The following ZYG11B variants were observed in gnomAD, a reference collection of about 807,000 sequenced individuals.
ZYG11B encodes protein zyg-11 homolog B.
ZYG11B carries 36 observed loss-of-function variants against 82.4 expected under a neutral mutation model. The ratio of observed to expected loss-of-function variants is 0.44; its 90% confidence interval spans 0.33 to 0.58. ZYG11B has a LOEUF of 0.58. Ranked by LOEUF, ZYG11B falls within the 20% of genes least tolerant of loss-of-function variation. ZYG11B has a pLI of 0.02. For missense variants in ZYG11B, 552 were observed against 895.6 expected (o/e 0.62, Z 4.90); for synonymous variants, 303 against 312.8 (o/e 0.97, Z 0.33).
chr1:52,763,309 A>G (rs1400376484), intron 2 of ZYG11B, among the ~76,000 whole-genome samples: 1 of 152,062 alleles, frequency 6.6e-6, no homozygotes, highest in Non-Finnish European at 1.5e-5. Context: ...AAATTTTAAG[A>G]TATTTTTTCT....
chr1:52,726,489 G>GCGGCTGCGGCTGCTA lies in ZYG11B; in HGVS notation c.-163_-149dup. On this transcript the variant is annotated 5_prime_UTR_variant, in exon 1 of 14. Coordinates refer to ENST00000294353, the MANE Select transcript of ZYG11B (RefSeq NM_024646.3). ...TCTGGTTCGGGCTGCGGCTGCGGCT[G>GCGGCTGCGGCTGCTA]CGGCTGCGGCTGCTACTGCTACGCT... 2 of 592,410 alleles carry GCGGCTGCGGCTGCTA rather than the reference G, an allele frequency of 3.4e-6. No homozygotes were observed. The highest frequency in any genetic ancestry group is 5.0e-6 in the Non-Finnish European group (2 of 402,136). 36.7% of individuals were successfully genotyped at this position (592,410 alleles called of 1,614,324 possible). A position where few individuals can be genotyped will look rare whatever the true frequency, so the allele number is the denominator to read the frequency against.
rs1375398192 is a variant in ZYG11B, at chr1:52,797,229, T to C, written c.1485+445T>C. Among the ~76,000 whole-genome samples the C allele has an allele frequency of 1.5e-4, 12 of 81,318 alleles. 1 individual carries two copies. The highest frequency in any genetic ancestry group is 5.6e-4 in the African/African-American group (11 of 19,722). The allele number at this position is 81,318 out of a possible 152,430, so 53.3% of individuals were successfully genotyped here. On this transcript the variant is annotated intron_variant, in intron 8 of 13. Coordinates refer to ENST00000294353, the MANE Select transcript of ZYG11B (RefSeq NM_024646.3). The stretch of plus-strand genomic sequence containing the variant: ...ATATATAATATATAAATATATATTA[T>C]ATAATATAAATTTGTATATATAATA...
Position 52,821,611 on chromosome 1 carries a change from C to T in ZYG11B, c.2217C>T (p.Pro739=). 6.2e-7 allele frequency: 1 copy of T among 1,611,506 alleles called. No individual in the cohort carries two copies. The highest frequency in any genetic ancestry group is 8.5e-7 in the Non-Finnish European group (1 of 1,179,184). The part of the protein sequence containing the change: ...HGRPPPCKKQ[P]QARLN ...GGCCACCTCCCTGTAAAAAACAGCC[C>T]CAAGCCAGACTAAATTGATAGCCAT... The change falls in exon 14 of 14, where the codon CCC becomes CCT. Residue 739 remains proline (P), a synonymous_variant. Transcript: ENST00000294353.
chr1:52,816,468 A>G, intron 12 of ZYG11B, 64 bp from the exon 13 acceptor site: 2 of 1,132,852 alleles, frequency 1.8e-6, no homozygotes, highest in Non-Finnish European at 2.6e-6. Context: ...TTTAGGAATC[A>G]CTGCTTTAGG....
chr1:52,769,596 A>C (rs770615265), intron 2 of ZYG11B, among the ~76,000 whole-genome samples: 3 of 152,146 alleles, frequency 2.0e-5, no homozygotes, highest in Admixed American at 6.6e-5. Context: ...CTTAATATGT[A>C]ATTAGTCATT....
At position 52,771,267 on chromosome 1, in the gene ZYG11B, C is replaced by T; in HGVS notation, c.444C>T (p.Leu148=). 6 of 1,614,228 alleles carry T rather than the reference C, an allele frequency of 3.7e-6. No individual in the cohort carries two copies. The South Asian group carries it at 5.5e-5, about 15-fold the overall frequency. ...GCCTGGTGCTGAATTCATTAACTCT[C>T]TCCCTCGAGGATCCTTACGAGCGCT... ...LQCLVLNSLT[L]SLEDPYERCF... The change falls in exon 3 of 14, where the codon CTC becomes CTT. Residue 148 remains leucine (L), a synonymous_variant. Transcript: ENST00000294353. This position sits in a 1 kb window ranked among gnomAD's most constrained non-coding sequence, Gnocchi z 5.4.
intron 1 of ZYG11B, among the ~76,000 whole-genome samples, chr1:52,740,565 C>CTTT (rs57309331): frequency 0.011 from 1,333 of 124,924 alleles, 36 homozygotes; most frequent in African/African-American, 0.04. Context: ...GTACTACCTT[C>CTTT]TTTTTTTTTT....
chr1:52,741,191 G>A lies in ZYG11B; in HGVS notation c.30+14508G>A, dbSNP rs370066061. On this transcript the variant is annotated intron_variant, in intron 1 of 13. Transcript: ENST00000294353. ...CATGCACCTGTAATCCCAGCTACTC[G>A]AGAGGCTAAGGCAGGAGTATTGCTT... is the stretch of plus-strand genomic sequence containing the variant. 6.4e-4 allele frequency among the ~76,000 whole-genome samples: 96 copies of A among 150,140 alleles called. 1 individual carries two copies. Among genetic ancestry groups the A allele is most frequent in the African/African-American group, 2.2e-3 (89 of 41,052 alleles).
At chr1:52,813,205 T>G (rs775770822) in intron 10 of ZYG11B, among the ~76,000 whole-genome samples, 40 of 152,212 alleles carry the variant, frequency 2.6e-4, no homozygotes, top group Non-Finnish European at 4.4e-4. Context: ...TTCACCCTTG[T>G]CATTACTGAG....
At chr1:52,749,232 A>G (rs747301182) in intron 1 of ZYG11B, among the ~76,000 whole-genome samples, 6 of 152,078 alleles carry the variant, frequency 3.9e-5, no homozygotes, top group Non-Finnish European at 7.4e-5. Flanking sequence ...CTAAATAAAA[A>G]AAGAAAGATG....
rs1645321704 is a variant in ZYG11B, at chr1:52,825,935, G to A, written c.*4306G>A. ...TAATTTACCAGAGATTTAGCTTAGT[G>A]TTTTTAAACTATAGAACAATACCCC... On this transcript the variant is annotated 3_prime_UTR_variant, in exon 14 of 14. Transcript: ENST00000294353. The A allele has an allele frequency of 6.6e-6, 1 of 152,112 alleles. No individual in the cohort carries two copies. Among genetic ancestry groups the A allele is most frequent in the Non-Finnish European group, 1.5e-5 (1 of 68,024 alleles). The allele number at this position is 152,112 out of a possible 1,614,324, so 9.4% of individuals were successfully genotyped here.
At chr1:52,731,386 C>G (rs530918116) in intron 1 of ZYG11B, among the ~76,000 whole-genome samples, 3 of 152,136 alleles carry the variant, frequency 2.0e-5, no homozygotes, top group Non-Finnish European at 4.4e-5. Flanking sequence ...CTGGAGTTCT[C>G]CATTCAAGGA....
At chr1:52,777,504 G>A (rs1644820123) in intron 3 of ZYG11B, among the ~76,000 whole-genome samples, 1 of 152,090 alleles carries the variant, frequency 6.6e-6, no homozygotes, top group Admixed American at 6.6e-5. Flanking sequence ...GAGTGCTGTG[G>A]CACAGTCATG....
Position 52,790,059 on chromosome 1 carries a change from A to G in ZYG11B, c.1326A>G (p.Pro442=), listed in dbSNP as rs745625779. ...LCSDRILQDV[P]FNRFEAAKLV... ...GTGACCGGATCCTTCAAGATGTTCC[A>G]TTTAACAGGCAAGTGATAGCTCTAG... The change falls in exon 6 of 14, where the codon CCA becomes CCG. Residue 442 remains proline (P), a synonymous_variant. Transcript: ENST00000294353. The G allele has an allele frequency of 3.1e-6, 5 of 1,592,634 alleles. No homozygotes were observed. The Admixed American group carries it at 5.1e-5, about 16-fold the overall frequency.
chr1:52,805,134 A>T (rs2149961675), intron 10 of ZYG11B: 1 of 155,954 alleles, frequency 6.4e-6, no homozygotes, highest in South Asian at 1.9e-4. Context: ...TTGCAAATTT[A>T]CATGTATCCC....
chr1:52,769,918 T>G (rs1185875550), intron 2 of ZYG11B, among the ~76,000 whole-genome samples: 2 of 151,996 alleles, frequency 1.3e-5, no homozygotes, highest in Non-Finnish European at 2.9e-5. Context: ...GTTTAGTTGA[T>G]ATGTGATATG....
intron 3 of ZYG11B, among the ~76,000 whole-genome samples, chr1:52,777,619 T>G (rs1352133116): frequency 6.6e-6 from 1 of 152,104 alleles, no homozygotes; most frequent in Non-Finnish European, 1.5e-5. Flanking sequence ...TTTTCTTTTC[T>G]TTTATAGAGA....
chr1:52,792,373 C>T (rs933419135), intron 6 of ZYG11B, among the ~76,000 whole-genome samples: 1 of 152,148 alleles, frequency 6.6e-6, no homozygotes, highest in Non-Finnish European at 1.5e-5. Flanking sequence ...AGTTATGGCA[C>T]TTGAGATAAA....
chr1:52,800,737 G>T (rs1420059824), intron 8 of ZYG11B, among the ~76,000 whole-genome samples: 2 of 152,046 alleles, frequency 1.3e-5, no homozygotes, highest in African/African-American at 2.4e-5. Flanking sequence ...GAACCCCGGG[G>T]GGGTGGAGGT....
Sources: gnomAD v4.1 joint callset for allele counts (sites outside exome capture counted in the v4.1 genomes callset) on GRCh38, gnomAD v4.1.1 for gene constraint, Gnocchi (gnomAD v3.1) non-coding constraint, MANE v1.5 for transcripts, NCBI Gene and HGNC (gene_info 2026-07-23, HGNC 2026-07-21) for gene names.